The following NFIB variants were observed in gnomAD, a reference collection of about 807,000 sequenced individuals.
The protein encoded by NFIB is nuclear factor 1 B-type.
Under a neutral mutation model 61.5 loss-of-function variants are expected in NFIB, and 11 were observed. The ratio of observed to expected loss-of-function variants is 0.18; its 90% CI spans 0.11 to 0.30. The LOEUF (loss-of-function observed/expected upper bound fraction) is 0.30. Ranked by LOEUF, NFIB falls within the 10% of genes least tolerant of loss-of-function variation. NFIB has a pLI of 1.00. For synonymous variants in NFIB, 260 were observed against 216.5 expected, an observed-to-expected ratio of 1.20 and a Z score of -1.76; for missense variants, 471 against 608.9, an observed-to-expected ratio of 0.77 and a Z score of 2.38.
At chr9:14,390,439 G>A (rs756449652) in intron 1 of NFIB, among the ~76,000 whole-genome samples, 1 of 152,180 alleles carries the variant, frequency 6.6e-6, no homozygotes, top group Non-Finnish European at 1.5e-5. Flanking sequence ...AAATTGATAT[G>A]TCAAAGGAAT....
intron 2 of NFIB, among the ~76,000 whole-genome samples, chr9:14,294,877 C>G (rs1439390655): frequency 1.3e-5 from 2 of 152,174 alleles, no homozygotes; most frequent in African/African-American, 2.4e-5. Context: ...TCTCCACTTT[C>G]CAAACCTCCT....
chr9:14,126,120 T>C (rs2039610982), intron 6 of NFIB, among the ~76,000 whole-genome samples: 4 of 152,228 alleles, frequency 2.6e-5, no homozygotes, highest in South Asian at 2.1e-4. Flanking sequence ...ATTCAGAAGA[T>C]TGTCTTTCGA....
At chr9:14,319,079 AC>A (rs1478718209), upstream of NFIB, among the ~76,000 whole-genome samples, 5 of 152,062 alleles carry the variant, frequency 3.3e-5, no homozygotes, top group African/African-American at 1.2e-4. Flanking sequence ...ATAACCTTGG[AC>A]CTTTTTCTCC....
At chr9:14,258,121 C>T (rs1053047365) in intron 2 of NFIB, among the ~76,000 whole-genome samples, 2 of 152,166 alleles carry the variant, frequency 1.3e-5, no homozygotes, top group African/African-American at 4.8e-5. Context: ...CGTATTAGAA[C>T]ATGAATTTAA....
At chr9:14,450,303 A>T in the NFIB span, among the ~76,000 whole-genome samples, 190 of 152,254 alleles carry the variant, frequency 1.2e-3, no homozygotes, top group African/African-American at 4.5e-3. Context: ...GGAAAAGAAA[A>T]CATCTATACC....
At chr9:14,328,871 T>G (rs2060786444) in intron 1 of NFIB, among the ~76,000 whole-genome samples, 1 of 152,202 alleles carries the variant, frequency 6.6e-6, no homozygotes, top group Admixed American at 6.5e-5. Flanking sequence ...CCTCCTAAAT[T>G]TGTAATGTTG....
intron 1 of NFIB, among the ~76,000 whole-genome samples, chr9:14,355,634 C>G (rs1340237691): frequency 2.6e-5 from 4 of 152,180 alleles, no homozygotes; most frequent in Non-Finnish European, 5.9e-5. Context: ...GGATCCCATA[C>G]TTAGAAGTGC....
At chr9:14,363,639 ATATATG>A (rs1416404323) in intron 1 of NFIB, among the ~76,000 whole-genome samples, 2 of 120,872 alleles carry the variant, frequency 1.7e-5, no homozygotes, top group East Asian at 2.0e-4. Flanking sequence ...ACATATACAT[ATATATG>A]TATATGTACA....
intron 1 of NFIB, among the ~76,000 whole-genome samples, chr9:14,329,035 G>T (rs2060788272): frequency 6.6e-6 from 1 of 152,080 alleles, no homozygotes; most frequent in Non-Finnish European, 1.5e-5. Flanking sequence ...CCTTTAGATG[G>T]GGCTTGGTCT....
At chr9:14,317,639 A>T (rs2060571934), upstream of NFIB, among the ~76,000 whole-genome samples, 1 of 152,240 alleles carries the variant, frequency 6.6e-6, no homozygotes, top group Non-Finnish European at 1.5e-5. Flanking sequence ...CTGTCTTCTC[A>T]GGCCTTGCAG....
chr9:14,128,209 A>G (rs888180132), intron 6 of NFIB, among the ~76,000 whole-genome samples: 1 of 152,168 alleles, frequency 6.6e-6, no homozygotes, highest in African/African-American at 2.4e-5. Context: ...CTTTCTTGTT[A>G]TAGATGATGC....
At chr9:14,340,035 G>C (rs1564017842) in intron 1 of NFIB, among the ~76,000 whole-genome samples, 1 of 152,198 alleles carries the variant, frequency 6.6e-6, no homozygotes, top group Non-Finnish European at 1.5e-5. Context: ...TGACCAGACT[G>C]AGGCCCAAAG....
At chr9:14,352,393 C>T (rs1314892039) in intron 1 of NFIB, among the ~76,000 whole-genome samples, 3 of 151,548 alleles carry the variant, frequency 2.0e-5, no homozygotes, top group Non-Finnish European at 2.9e-5. Context: ...TCCCGGTACT[C>T]TACATTAGCT....
chr9:14,232,832 T>C (rs1224526223), intron 2 of NFIB, among the ~76,000 whole-genome samples: 1 of 152,240 alleles, frequency 6.6e-6, no homozygotes, highest in African/African-American at 2.4e-5. Flanking sequence ...TCAATTGTTT[T>C]GCCTATGTAC....
chr9:14,174,120 C>T (rs573033916), intron 3 of NFIB, among the ~76,000 whole-genome samples: 16 of 152,086 alleles, frequency 1.1e-4, no homozygotes, highest in Non-Finnish European at 2.1e-4. Flanking sequence ...TTGAATGTGA[C>T]GTCTCCAAAC....
intron 2 of NFIB, among the ~76,000 whole-genome samples, chr9:14,243,611 T>TTA (rs1563937914): frequency 1.3e-5 from 2 of 151,392 alleles, no homozygotes; most frequent in Admixed American, 6.6e-5. Flanking sequence ...GGGTATTTTT[T>TTA]AAAAAAAAAG....
intron 2 of NFIB, among the ~76,000 whole-genome samples, chr9:14,272,692 CAAAAAAAAAA>C (rs61391471): frequency 1.9e-4 from 13 of 67,210 alleles, no homozygotes; most frequent in South Asian, 6.5e-4. Context: ...TCAATTCTCG[CAAAAAAAAAA>C]AAAAAAAAAA....
intron 1 of NFIB, among the ~76,000 whole-genome samples, chr9:14,338,486 C>G (rs565885404): frequency 6.6e-6 from 1 of 152,184 alleles, no homozygotes; most frequent in Non-Finnish European, 1.5e-5. Flanking sequence ...GTTTGAACCT[C>G]TTTGCAATCT....
the NFIB span, among the ~76,000 whole-genome samples, chr9:14,480,055 G>GT: frequency 7.9e-5 from 12 of 151,354 alleles, no homozygotes; most frequent in Middle Eastern, 3.2e-3. Flanking sequence ...TTTGTTTTTT[G>GT]TTTTTTTTAA....
Sources: allele counts gnomAD v4.1 joint callset (sites outside exome capture counted in the v4.1 genomes callset), GRCh38; gene constraint gnomAD v4.1.1; transcripts MANE v1.5; gene names NCBI Gene and HGNC (gene_info 2026-07-23, HGNC 2026-07-21).